The following DPYD variants were observed in gnomAD, a reference collection of about 807,000 sequenced individuals.
The protein encoded by DPYD is dihydropyrimidine dehydrogenase [NADP(+)].
A neutral mutation model predicts 116.2 loss-of-function variants in DPYD; 109 were observed. The observed-to-expected ratio is 0.94, with a 90% CI of 0.80 to 1.10. DPYD has a LOEUF of 1.10. Among genes scored for constraint, DPYD ranks in the 50% least tolerant of loss-of-function variants. DPYD has a pLI of 0.00. For missense variants in DPYD, 1,302 were observed against 1,254.5 expected (o/e 1.04, Z -0.57); for synonymous variants, 440 against 432.0 (o/e 1.02, Z -0.23).
At chr1:97,645,522 T>C (rs1658208106) in intron 8 of DPYD, among the ~76,000 whole-genome samples, 1 of 152,156 alleles carries the variant, frequency 6.6e-6, no homozygotes, top group Non-Finnish European at 1.5e-5. Context: ...TGATTTCAAA[T>C]GCTACTTTTT....
chr1:97,649,562 A>G (rs780178478), intron 8 of DPYD, among the ~76,000 whole-genome samples: 4 of 152,068 alleles, frequency 2.6e-5, no homozygotes, highest in Non-Finnish European at 5.9e-5. Flanking sequence ...TCATACTACA[A>G]TTAATCATGT....
chr1:97,496,808 G>C (rs1239724347), intron 13 of DPYD, among the ~76,000 whole-genome samples: 2 of 151,658 alleles, frequency 1.3e-5, no homozygotes, highest in Non-Finnish European at 2.9e-5. Context: ...ATCACATCTA[G>C]ATTTTAGGTT....
At chr1:97,579,587 A>G (rs1286626881) in intron 10 of DPYD, among the ~76,000 whole-genome samples, 1 of 152,254 alleles carries the variant, frequency 6.6e-6, no homozygotes, top group Admixed American at 6.5e-5. Flanking sequence ...TTCTGTGACA[A>G]GTAATTCACA....
intron 2 of DPYD, among the ~76,000 whole-genome samples, chr1:97,832,882 C>T (rs573506842): frequency 1.3e-5 from 2 of 151,574 alleles, no homozygotes; most frequent in East Asian, 3.9e-4. Flanking sequence ...TTTCAGAACG[C>T]TGAGGATTTT....
chr1:97,243,577 C>T (rs1437090748), intron 18 of DPYD, among the ~76,000 whole-genome samples: 1 of 151,542 alleles, frequency 6.6e-6, no homozygotes, highest in African/African-American at 2.4e-5. Flanking sequence ...TTTTAAGTGT[C>T]TGGATATAAA....
chr1:97,862,996 T>C (rs955530355), intron 2 of DPYD, among the ~76,000 whole-genome samples: 12 of 151,930 alleles, frequency 7.9e-5, no homozygotes, highest in African/African-American at 2.7e-4. Flanking sequence ...TGAGAAAATG[T>C]TTATACCCAA....
intron 13 of DPYD, among the ~76,000 whole-genome samples, chr1:97,466,682 G>A (rs1570779811): frequency 6.6e-6 from 1 of 152,118 alleles, no homozygotes; most frequent in South Asian, 2.1e-4. Flanking sequence ...TAAATGGGAA[G>A]TTATGTGACC....
At chr1:97,435,399 G>T (rs1199149407) in intron 14 of DPYD, among the ~76,000 whole-genome samples, 1 of 151,826 alleles carries the variant, frequency 6.6e-6, no homozygotes, top group East Asian at 1.9e-4. Flanking sequence ...AAAATTTTCA[G>T]TAAATTAAAG....
At chr1:97,901,874 A>T (rs1205685026) in intron 1 of DPYD, among the ~76,000 whole-genome samples, 1 of 151,878 alleles carries the variant, frequency 6.6e-6, no homozygotes, top group East Asian at 1.9e-4. Context: ...AAATACATTT[A>T]CCATTCAGAA....
At chr1:97,455,029 T>C (rs1676607127) in intron 13 of DPYD, among the ~76,000 whole-genome samples, 1 of 151,876 alleles carries the variant, frequency 6.6e-6, no homozygotes, top group Non-Finnish European at 1.5e-5. Flanking sequence ...CAAAGCAATA[T>C]ATTATTTAGT....
chr1:97,187,447 T>A (rs1040004742), intron 20 of DPYD, among the ~76,000 whole-genome samples: 1 of 152,162 alleles, frequency 6.6e-6, no homozygotes, highest in African/African-American at 2.4e-5. Flanking sequence ...GTTGTTGAGT[T>A]GTTTGAGTTC....
At chr1:97,136,177 T>G (rs1311617072) in intron 20 of DPYD, among the ~76,000 whole-genome samples, 1 of 152,180 alleles carries the variant, frequency 6.6e-6, no homozygotes, top group Non-Finnish European at 1.5e-5. Context: ...CTTGCATAAT[T>G]TTAAAGGTTG....
chr1:97,733,115 G>C (rs968306805), intron 4 of DPYD, among the ~76,000 whole-genome samples: 2 of 151,968 alleles, frequency 1.3e-5, no homozygotes, highest in African/African-American at 4.8e-5. Flanking sequence ...TAGTATACTA[G>C]AGTAATTATT....
At chr1:97,636,710 A>G (rs1258590716) in intron 8 of DPYD, among the ~76,000 whole-genome samples, 1 of 152,120 alleles carries the variant, frequency 6.6e-6, no homozygotes, top group Non-Finnish European at 1.5e-5. Flanking sequence ...TTACAATGTT[A>G]TTTTCTACCG....
At chr1:97,865,446 G>A (rs1201406976) in intron 2 of DPYD, among the ~76,000 whole-genome samples, 1 of 151,644 alleles carries the variant, frequency 6.6e-6, no homozygotes, top group Admixed American at 6.6e-5. Flanking sequence ...TTCAATACTG[G>A]GTATTCATTC....
At chr1:97,692,799 T>C (rs1378501145) in intron 6 of DPYD, among the ~76,000 whole-genome samples, 1 of 152,182 alleles carries the variant, frequency 6.6e-6, no homozygotes, top group African/African-American at 2.4e-5. Context: ...TTAATGTGTA[T>C]ATATACATAA....
chr1:97,788,541 A>C lies in DPYD; in HGVS notation c.233+39573T>G, dbSNP rs141629569. ...AGCAAGACCAACGAACTACCCACTG[A>C]GTCCAGCCAATTGACACAATTGCAA... On this transcript the variant is annotated intron_variant, in intron 3 of 22. Transcript: ENST00000370192. Among the ~76,000 whole-genome samples, 848 of 152,332 alleles carry C rather than the reference A, an allele frequency of 5.6e-3. 4 individuals are homozygous for C. The highest frequency in any genetic ancestry group is 0.011 in the Admixed American group (173 of 15,300).
intron 5 of DPYD, among the ~76,000 whole-genome samples, chr1:97,705,229 C>T (rs572868902): frequency 6.6e-6 from 1 of 151,996 alleles, no homozygotes; most frequent in South Asian, 2.1e-4. Flanking sequence ...TGTGCTGCAC[C>T]CATTAACTCG....
chr1:97,550,807 A>G (rs1651262778), intron 11 of DPYD, among the ~76,000 whole-genome samples: 1 of 152,228 alleles, frequency 6.6e-6, no homozygotes, highest in South Asian at 2.1e-4. Flanking sequence ...TTATGAATCA[A>G]GTATAACACA....
Sources: gnomAD v4.1 joint callset for allele counts (sites outside exome capture counted in the v4.1 genomes callset) on GRCh38, gnomAD v4.1.1 for gene constraint, MANE v1.5 for transcripts, NCBI Gene and HGNC (gene_info 2026-07-23, HGNC 2026-07-21) for gene names.